Variants in MAPKAP1 observed in about 807,000 individuals in gnomAD.
MAPKAP1 encodes the protein target of rapamycin complex 2 subunit MAPKAP1.
A neutral mutation model predicts 65.7 loss-of-function variants in MAPKAP1; 20 were observed. That is an observed-to-expected ratio of 0.30 (90% CI 0.21 to 0.44). The LOEUF is 0.44. MAPKAP1 is among the 20% of genes least tolerant of loss of function. The pLI, the probability that MAPKAP1 is intolerant of heterozygous loss-of-function variation, is 1.00. For synonymous variants in MAPKAP1, 222 were observed against 244.3 expected, an observed-to-expected ratio of 0.91 and a Z score of 0.85; for missense variants, 423 against 648.0, an observed-to-expected ratio of 0.65 and a Z score of 3.77.
In MAPKAP1 at chr9:125,701,238, G is replaced by A. The variant is rs139692207; in HGVS notation, c.-70+5733C>T. On this transcript the variant is annotated intron_variant, in intron 1 of 11. Coordinates refer to ENST00000265960, the MANE Select transcript of MAPKAP1 (RefSeq NM_001006617.3). ...CACAGTACCTTAAAATGAGTCCGCA[G>A]GGAACTGGAAAATGTTATTTTTTTG... 3.9e-3 allele frequency among the ~76,000 whole-genome samples: 598 copies of A among 152,254 alleles called. 3 individuals carry two copies. The highest frequency in any genetic ancestry group is 0.013 in the African/African-American group (555 of 41,536).
At chr9:125,609,252 G>T (rs1249522318) in intron 4 of MAPKAP1, among the ~76,000 whole-genome samples, 1 of 152,094 alleles carries the variant, frequency 6.6e-6, no homozygotes, top group Non-Finnish European at 1.5e-5. Flanking sequence ...CTCTATAGAA[G>T]GGAACAAGTT....
At chr9:125,460,509 A>G (rs1221994355) in intron 10 of MAPKAP1, among the ~76,000 whole-genome samples, 1 of 152,180 alleles carries the variant, frequency 6.6e-6, no homozygotes, top group African/African-American at 2.4e-5. Context: ...GTAAACATAC[A>G]CATAACGTCC....
At chr9:125,620,167 G>A (rs533434415) in intron 4 of MAPKAP1, among the ~76,000 whole-genome samples, 166 of 152,222 alleles carry the variant, frequency 1.1e-3, no homozygotes, top group African/African-American at 3.9e-3. Flanking sequence ...AAATTATCTG[G>A]GTGTGGTGGG....
intron 3 of MAPKAP1, among the ~76,000 whole-genome samples, chr9:125,658,720 G>A (rs902324951): frequency 3.9e-5 from 6 of 152,172 alleles, no homozygotes; most frequent in African/African-American, 9.7e-5. Context: ...GACAAGTTCC[G>A]TAACTTTTCA....
rs186913305 is a variant in MAPKAP1 at position 125,681,580 on chromosome 9, G to A, written c.-69-8937C>T. ...TGCCTCAGAATCTTACATCTGCCAAGATCCAGTTAAAAAAGAACCTGGTAG... is the reference window on the plus strand; with the variant it reads ...TGCCTCAGAATCTTACATCTGCCAAAATCCAGTTAAAAAAGAACCTGGTAG... On this transcript the variant is annotated intron_variant, in intron 1 of 11. Coordinates refer to ENST00000265960, the MANE Select transcript of MAPKAP1 (RefSeq NM_001006617.3). 1.8e-3 allele frequency among the ~76,000 whole-genome samples: 276 copies of A among 152,240 alleles called. 2 individuals carry two copies. The highest frequency in any genetic ancestry group is 6.4e-3 in the African/African-American group (264 of 41,514).
chr9:125,691,716 G>C (rs987598811), intron 1 of MAPKAP1, among the ~76,000 whole-genome samples: 1 of 152,156 alleles, frequency 6.6e-6, no homozygotes, highest in Non-Finnish European at 1.5e-5. Context: ...GCTAGATCCT[G>C]AAGTTAGCTA....
intron 1 of MAPKAP1, among the ~76,000 whole-genome samples, chr9:125,676,268 A>G (rs1834641056): frequency 6.6e-6 from 1 of 152,236 alleles, no homozygotes. Flanking sequence ...CTAAGGAGAT[A>G]ATTGTGTAAA....
intron 10 of MAPKAP1, 34 bp from the exon 11 acceptor site, chr9:125,444,632 G>A (rs776442744): frequency 6.6e-7 from 1 of 1,511,190 alleles, no homozygotes; most frequent in East Asian, 2.3e-5. Flanking sequence ...GAGGGGTTCT[G>A]GTGAGTTAAC....
chr9:125,534,576 G>C (rs1238470911), intron 7 of MAPKAP1, among the ~76,000 whole-genome samples: 1 of 152,182 alleles, frequency 6.6e-6, no homozygotes, highest in Non-Finnish European at 1.5e-5. Flanking sequence ...GATTTCTTGA[G>C]AGCCTCTGCA....
intron 4 of MAPKAP1, among the ~76,000 whole-genome samples, chr9:125,628,165 G>C (rs1252728735): frequency 6.6e-6 from 1 of 152,192 alleles, no homozygotes; most frequent in African/African-American, 2.4e-5. Context: ...ACTTGTAGGA[G>C]GCAGAGGAGG....
chr9:125,704,838 C>T (rs986142632), intron 1 of MAPKAP1, among the ~76,000 whole-genome samples: 7 of 152,316 alleles, frequency 4.6e-5, no homozygotes, highest in African/African-American at 1.2e-4. Context: ...GACTTTACCA[C>T]GTACCAGGCC....
chr9:125,649,819 A>G (rs1833842520), intron 4 of MAPKAP1, among the ~76,000 whole-genome samples: 1 of 150,204 alleles, frequency 6.7e-6, no homozygotes, highest in South Asian at 2.1e-4. Flanking sequence ...AAAAAAAAAG[A>G]AAAGAAGAAA....
chr9:125,621,088 A>G (rs1286816831), intron 4 of MAPKAP1, among the ~76,000 whole-genome samples: 1 of 152,058 alleles, frequency 6.6e-6, no homozygotes, highest in African/African-American at 2.4e-5. Context: ...CCTGGGCAAT[A>G]TGGTAAGGCC....
intron 4 of MAPKAP1, among the ~76,000 whole-genome samples, chr9:125,625,917 G>A (rs937093668): frequency 6.6e-6 from 1 of 152,164 alleles, no homozygotes. Context: ...CTGAAAAATA[G>A]GCTACATTTG....
chr9:125,659,649 T>A (rs1406574274), intron 3 of MAPKAP1, among the ~76,000 whole-genome samples: 1 of 151,562 alleles, frequency 6.6e-6, no homozygotes, highest in African/African-American at 2.4e-5. Flanking sequence ...CTCTTCTCTC[T>A]CTTCCATTGT....
chr9:125,697,161 A>G (rs1307428735), intron 1 of MAPKAP1, among the ~76,000 whole-genome samples: 1 of 152,234 alleles, frequency 6.6e-6, no homozygotes, highest in Admixed American at 6.5e-5. Flanking sequence ...GAATAGTAAC[A>G]TCATTTATGT....
At chr9:125,682,196 TCA>T (rs1564615188) in intron 1 of MAPKAP1, among the ~76,000 whole-genome samples, 8 of 152,182 alleles carry the variant, frequency 5.3e-5, no homozygotes, top group Admixed American at 4.6e-4. Context: ...TCTCTTAACC[TCA>T]GTTTGAATGG....
chr9:125,539,654 G>T (rs1362800277), intron 7 of MAPKAP1, among the ~76,000 whole-genome samples: 1 of 152,168 alleles, frequency 6.6e-6, no homozygotes, highest in African/African-American at 2.4e-5. Context: ...CTAAATAACA[G>T]CTTAGTATAT....
chr9:125,586,600 T>C (rs1831794179), intron 4 of MAPKAP1, among the ~76,000 whole-genome samples: 1 of 152,002 alleles, frequency 6.6e-6, no homozygotes, highest in Admixed American at 6.6e-5. Flanking sequence ...TACTTTCTCT[T>C]TTGTGAAAAA....
Sources: allele counts gnomAD v4.1 joint callset (sites outside exome capture counted in the v4.1 genomes callset), GRCh38; gene constraint gnomAD v4.1.1; transcripts MANE v1.5; gene names NCBI Gene and HGNC (gene_info 2026-07-23, HGNC 2026-07-21).